BCR: variants seen among roughly 807,000 people sequenced by gnomAD.
The protein encoded by BCR is breakpoint cluster region protein.
BCR carries 58 observed loss-of-function variants against 138.6 expected under a neutral mutation model. That is an observed-to-expected ratio of 0.42 (90% CI 0.34 to 0.52). The LOEUF is 0.52. BCR is among the 20% of genes least tolerant of loss of function. The pLI is 0.06. For missense variants in BCR, 1,599 were observed against 1,727.2 expected, an observed-to-expected ratio of 0.93 and a Z score of 1.32; for synonymous variants, 786 against 730.1, an observed-to-expected ratio of 1.08 and a Z score of -1.23.
At chr22:23,287,979 C>T (rs1316832988) in intron 11 of BCR, 118 bp from the exon 12 acceptor site, 2 of 955,582 alleles carry the variant, frequency 2.1e-6, no homozygotes, top group Non-Finnish European at 3.4e-6. Context: ...GCACACCTGG[C>T]CACTGGGCTC....
intron 15 of BCR, among the ~76,000 whole-genome samples, chr22:23,293,796 GCACACA>G (rs2073816022): frequency 6.6e-6 from 1 of 151,954 alleles, no homozygotes; most frequent in Admixed American, 6.6e-5. Flanking sequence ...TGTTCCTGGC[GCACACA>G]CACACCCACC....
At chr22:23,273,361 G>C (rs1212451405) in intron 7 of BCR, among the ~76,000 whole-genome samples, 2 of 152,202 alleles carry the variant, frequency 1.3e-5, no homozygotes, top group African/African-American at 2.4e-5. Context: ...ACAGTGCTGA[G>C]GTTGAGAAAC....
chr22:23,213,561 G>A (rs974129748), intron 1 of BCR, among the ~76,000 whole-genome samples: 1 of 152,200 alleles, frequency 6.6e-6, no homozygotes, highest in Admixed American at 6.5e-5. Flanking sequence ...GGTGGCTCAC[G>A]CCTGTAATCC....
chr22:23,183,610 G>C (rs2072299104), intron 1 of BCR, among the ~76,000 whole-genome samples: 3 of 152,224 alleles, frequency 2.0e-5, no homozygotes, highest in East Asian at 1.9e-4. Context: ...CAGCTCGTTC[G>C]GGGTCTGGAG....
chr22:23,305,777 C>A (rs765479752), intron 16 of BCR, among the ~76,000 whole-genome samples: 10 of 152,206 alleles, frequency 6.6e-5, no homozygotes, highest in Non-Finnish European at 1.2e-4. Flanking sequence ...TGCATGTGAG[C>A]AGACAGACCC....
At chr22:23,264,891 C>T (rs932077915) in intron 4 of BCR, 3 of 152,296 alleles carry the variant, frequency 2.0e-5, no homozygotes, top group African/African-American at 7.2e-5. Flanking sequence ...GGGAACCCAG[C>T]AGTTCTGAGT....
intron 1 of BCR, among the ~76,000 whole-genome samples, chr22:23,235,651 C>T (rs750506850): frequency 2.0e-5 from 3 of 152,258 alleles, no homozygotes; most frequent in Admixed American, 6.5e-5. Context: ...GGAGGGGTGT[C>T]TTAGTCACTT....
At chr22:23,214,085 A>G (rs1380297414) in intron 1 of BCR, among the ~76,000 whole-genome samples, 1 of 152,194 alleles carries the variant, frequency 6.6e-6, no homozygotes, top group Admixed American at 6.5e-5. Context: ...GGCTGCTGGC[A>G]TGCCCTGAGT....
At chr22:23,264,778 G>A (rs1811018) in intron 4 of BCR, 55,199 of 156,424 alleles carry the variant, frequency 0.35, 10,786 homozygotes, top group African/African-American at 0.52. Flanking sequence ...CCAATAGCCC[G>A]CTAGCACCAG....
intron 1 of BCR, among the ~76,000 whole-genome samples, chr22:23,203,971 C>T (rs1401268951): frequency 2.0e-5 from 3 of 152,004 alleles, no homozygotes; most frequent in Admixed American, 6.6e-5. Context: ...TGGGCTGGGA[C>T]GGGAGGACAA....
At chr22:23,259,706 G>A (rs568530534) in intron 2 of BCR, among the ~76,000 whole-genome samples, 4 of 152,118 alleles carry the variant, frequency 2.6e-5, no homozygotes, top group South Asian at 2.1e-4. Flanking sequence ...TAGTAGAGAC[G>A]GGGTTTCACC....
intron 1 of BCR, among the ~76,000 whole-genome samples, chr22:23,194,496 C>G (rs1035423022): frequency 6.6e-6 from 1 of 151,758 alleles, no homozygotes; most frequent in Non-Finnish European, 1.5e-5. Context: ...CTGCAAACTC[C>G]GCCTCCCAGG....
At chr22:23,290,693 C>G in intron 14 of BCR, 1 of 453,878 alleles carries the variant, frequency 2.2e-6, no homozygotes, top group Non-Finnish European at 4.1e-6. Flanking sequence ...AGGGGTTTGG[C>G]AAGGACTTTG....
chr22:23,308,580 C>T (rs1176677335), intron 16 of BCR, among the ~76,000 whole-genome samples: 1 of 152,176 alleles, frequency 6.6e-6, no homozygotes, highest in Non-Finnish European at 1.5e-5. Context: ...GCTGGGATTA[C>T]AGGCGTGAGC....
intron 1 of BCR, among the ~76,000 whole-genome samples, chr22:23,237,737 C>T (rs2073042521): frequency 6.6e-6 from 1 of 152,208 alleles, no homozygotes; most frequent in Non-Finnish European, 1.5e-5. Context: ...TTCCAGAGCC[C>T]TGGCTGGCCT....
chr22:23,244,264 C>T (rs972909548), intron 1 of BCR, among the ~76,000 whole-genome samples: 20 of 152,178 alleles, frequency 1.3e-4, no homozygotes, highest in Admixed American at 7.9e-4. Context: ...AGTAATTGGA[C>T]AATCTAGGGT....
chr22:23,313,778 C>T lies in BCR; in HGVS notation c.3458-190C>T, dbSNP rs550268462. On this transcript the variant is annotated intron_variant, in intron 20 of 22. Transcript: ENST00000305877. ...TGACCCCTGCGAGGTAGAGAAAAGG[C>T]GTTCAGGTGGTTCACACCCCACACA... Among the ~76,000 whole-genome samples, 5 of 152,256 alleles carry T rather than the reference C, an allele frequency of 3.3e-5. No individual in the cohort carries two copies. The South Asian group carries it at 1.0e-3, about 32-fold the overall frequency.
At chr22:23,288,520 C>T (rs945445174) in intron 12 of BCR, among the ~76,000 whole-genome samples, 3 of 152,044 alleles carry the variant, frequency 2.0e-5, no homozygotes, top group Admixed American at 6.5e-5. Flanking sequence ...ACCGCACCCC[C>T]GGCCTGCCCC....
intron 8 of BCR, among the ~76,000 whole-genome samples, chr22:23,277,484 C>G (rs1454094338): frequency 6.6e-6 from 1 of 152,198 alleles, no homozygotes; most frequent in Admixed American, 6.5e-5. Context: ...AGAGATGTCC[C>G]TTTTAGCTCC....
Sources: gnomAD v4.1 joint callset for allele counts (sites outside exome capture counted in the v4.1 genomes callset) on GRCh38, gnomAD v4.1.1 for gene constraint, MANE v1.5 for transcripts, NCBI Gene and HGNC (gene_info 2026-07-23, HGNC 2026-07-21) for gene names.